The following MOK variants were observed in gnomAD, a reference collection of about 807,000 sequenced individuals.
MOK encodes MAPK/MAK/MRK overlapping kinase.
In MOK, 59 loss-of-function variants were observed where a neutral mutation model predicts 54.2. The ratio of observed to expected loss-of-function variants is 1.09; its 90% CI spans 0.88 to 1.35. MOK has a LOEUF of 1.35. Ranked by LOEUF, MOK falls within the 40% of genes most tolerant of loss-of-function variation. MOK has a pLI of 0.00. For synonymous variants in MOK, 210 were observed against 202.7 expected (o/e 1.04, Z -0.31); for missense variants, 517 against 526.2 (o/e 0.98, Z 0.17).
chr14:102,225,415 C>T (rs1788190857), downstream of MOK: 1 of 152,278 alleles, frequency 6.6e-6, no homozygotes, highest in East Asian at 1.9e-4. Flanking sequence ...ATTCTGTCTC[C>T]TGTTTGTTGG....
At chr14:102,265,497 T>C (rs2067820071) in intron 3 of MOK, among the ~76,000 whole-genome samples, 1 of 152,018 alleles carries the variant, frequency 6.6e-6, no homozygotes. Flanking sequence ...CTGGGCGTGG[T>C]TGTGGGTGCC....
At chr14:102,226,939 A>G (rs960398598), downstream of MOK, among the ~76,000 whole-genome samples, 1 of 152,012 alleles carries the variant, frequency 6.6e-6, no homozygotes, top group Non-Finnish European at 1.5e-5. The surrounding 1 kb of genome is among the most constrained non-coding windows in gnomAD (Gnocchi z 4.8). Flanking sequence ...ACTGCTTCAG[A>G]GCGTTTACGC....
intron 7 of MOK, among the ~76,000 whole-genome samples, chr14:102,237,427 C>G (rs1434992595): frequency 1.3e-5 from 2 of 152,200 alleles, no homozygotes; most frequent in East Asian, 3.8e-4. Flanking sequence ...CCTAGCAGCA[C>G]TAATAGATAA....
At chr14:102,214,738 T>C in the MOK span, 3 of 979,928 alleles carry the variant, frequency 3.1e-6, no homozygotes, top group Admixed American at 1.8e-4. Flanking sequence ...CTTGACAACT[T>C]GAATAAATTT....
At chr14:102,226,919 C>T (rs1270482870), downstream of MOK, among the ~76,000 whole-genome samples, 1 of 152,152 alleles carries the variant, frequency 6.6e-6, no homozygotes, top group South Asian at 2.1e-4. The surrounding 1 kb of genome is among the most constrained non-coding windows in gnomAD (Gnocchi z 4.8). Flanking sequence ...CCTGGCGTGC[C>T]GGGCTCGACA....
rs146358144 is a variant in MOK at position 102,240,568 on chromosome 14, G to C, written c.591-6779C>G. The C allele has an allele frequency of 1.9e-3, 289 of 152,688 alleles. 1 individual carries two copies. Among genetic ancestry groups the C allele is most frequent in the Middle Eastern group, 3.4e-3 (1 of 296 alleles). The allele number at this position is 152,688 out of a possible 1,614,324, so 9.5% of individuals were successfully genotyped here. On this transcript the variant is annotated intron_variant, in intron 7 of 11. Coordinates refer to ENST00000361847, the MANE Select transcript of MOK (RefSeq NM_014226.3). This position sits in a 1 kb window ranked among gnomAD's most constrained non-coding sequence, Gnocchi z 5.4. The stretch of plus-strand genomic sequence containing the variant: ...TTTCCTCTCTAGTAGAGACGAAGGA[G>C]ACACATTTTATCTGTGGACTCAAAA...
At chr14:102,258,710 T>A (rs1310077771) in intron 4 of MOK, among the ~76,000 whole-genome samples, 1 of 152,224 alleles carries the variant, frequency 6.6e-6, no homozygotes, top group Non-Finnish European at 1.5e-5. Flanking sequence ...AAAAGAAATC[T>A]ACCCCAGCAA....
chr14:102,219,870 C>T (rs1053997422), downstream of MOK, among the ~76,000 whole-genome samples: 8 of 152,336 alleles, frequency 5.3e-5, no homozygotes, highest in African/African-American at 1.9e-4. Flanking sequence ...GGTTTGAGGG[C>T]GGTTGATTCA....
chr14:102,282,657 C>G (rs1006375037), intron 2 of MOK, among the ~76,000 whole-genome samples: 3 of 152,056 alleles, frequency 2.0e-5, no homozygotes, highest in African/African-American at 7.2e-5. Flanking sequence ...TCACTTAAGC[C>G]TGGGAGGTGG....
intron 2 of MOK, among the ~76,000 whole-genome samples, chr14:102,273,771 G>A (rs1012249884): frequency 3.3e-5 from 5 of 151,988 alleles, no homozygotes; most frequent in Non-Finnish European, 7.4e-5. Flanking sequence ...TGGGCAACAA[G>A]AGCAAAACTC....
intron 4 of MOK, among the ~76,000 whole-genome samples, chr14:102,258,691 T>C (rs1228404210): frequency 6.6e-6 from 1 of 152,234 alleles, no homozygotes; most frequent in African/African-American, 2.4e-5. Context: ...ATCTGACACC[T>C]GTTCAACAAA....
At chr14:102,248,638 C>A (rs1005276117) in intron 7 of MOK, among the ~76,000 whole-genome samples, 2 of 151,938 alleles carry the variant, frequency 1.3e-5, no homozygotes, top group Admixed American at 1.3e-4. Context: ...ATTAGCCGGG[C>A]GTGCTGGCGG....
downstream of MOK, among the ~76,000 whole-genome samples, chr14:102,220,984 C>G (rs1256978196): frequency 6.6e-6 from 1 of 152,188 alleles, no homozygotes. The surrounding 1 kb of genome is among the most constrained non-coding windows in gnomAD (Gnocchi z 4.2). Context: ...CCAGGCTGGT[C>G]TCAGACTCCT....
At chr14:102,229,416 GT>G (rs1567124252) in intron 11 of MOK, 40 bp downstream of exon 11, 1 of 1,614,084 alleles carries the variant, frequency 6.2e-7, no homozygotes, top group Non-Finnish European at 8.5e-7. Flanking sequence ...CCTGGGCTGG[GT>G]CGAAGAGCAG....
In MOK at chr14:102,300,325, A is replaced by T. The variant is rs993446492; in HGVS notation, c.7+4637T>A. On this transcript the variant is annotated intron_variant, in intron 1 of 11. Transcript: ENST00000361847. Reference sequence around the variant, plus strand: ...GGCAACAGGGCAAAACTCTATCTCAAAAAAAAAAAAAAAAAAAAAAAGCCT... The same window carrying T: ...GGCAACAGGGCAAAACTCTATCTCATAAAAAAAAAAAAAAAAAAAAAGCCT... Among the ~76,000 whole-genome samples, 9 of 137,836 alleles carry T rather than the reference A, an allele frequency of 6.5e-5. No homozygotes were observed. The South Asian group carries it at 2.0e-3, about 30-fold the overall frequency. 90.4% of individuals were successfully genotyped at this position (137,836 alleles called of 152,430 possible). A position where few individuals can be genotyped will look rare whatever the true frequency, so the allele number is the denominator to read the frequency against.
intron 1 of MOK, among the ~76,000 whole-genome samples, chr14:102,288,129 C>T (rs886608091): frequency 2.7e-5 from 4 of 150,774 alleles, no homozygotes; most frequent in African/African-American, 1.0e-4. Flanking sequence ...CCACCGCACC[C>T]GGCCTGAGAT....
chr14:102,247,921 C>T (rs932589941), intron 7 of MOK, among the ~76,000 whole-genome samples: 4 of 152,218 alleles, frequency 2.6e-5, no homozygotes, highest in Non-Finnish European at 5.9e-5. Context: ...CATAACCATT[C>T]TTCTTTTTCT....
chr14:102,301,728 C>T (rs1300428253), intron 1 of MOK, among the ~76,000 whole-genome samples: 1 of 152,116 alleles, frequency 6.6e-6, no homozygotes, highest in Non-Finnish European at 1.5e-5. Flanking sequence ...TCTTAGAGTA[C>T]ATTTTAAGGT....
chr14:102,299,860 G>A (rs2071959989), intron 1 of MOK, among the ~76,000 whole-genome samples: 1 of 152,170 alleles, frequency 6.6e-6, no homozygotes, highest in East Asian at 1.9e-4. Context: ...TGGGTTTACA[G>A]ACATGAGCCA....
Sources: allele counts gnomAD v4.1 joint callset (sites outside exome capture counted in the v4.1 genomes callset), GRCh38; gene constraint gnomAD v4.1.1; non-coding constraint Gnocchi (gnomAD v3.1); transcripts MANE v1.5; gene names NCBI Gene and HGNC (gene_info 2026-07-23, HGNC 2026-07-21).